Variants in MAPK4 observed in about 807,000 individuals in gnomAD.
The protein encoded by MAPK4 is Erk3-related.
Under a neutral mutation model 47.7 loss-of-function variants are expected in MAPK4, and 22 were observed. The ratio of observed to expected loss-of-function variants is 0.46; its 90% CI spans 0.33 to 0.66. MAPK4 has a LOEUF of 0.66. MAPK4 is among the 30% of genes least tolerant of loss of function. The pLI is 0.02. For synonymous variants in MAPK4, 390 were observed against 365.7 expected (o/e 1.07, Z -0.76); for missense variants, 736 against 831.7 (o/e 0.88, Z 1.42).
intron 5 of MAPK4, among the ~76,000 whole-genome samples, chr18:50,726,905 G>A (rs1911233475): frequency 6.6e-6 from 1 of 151,810 alleles, no homozygotes; most frequent in South Asian, 2.1e-4. Context: ...ATTGCCCATT[G>A]ACACACAAGG....
intron 1 of MAPK4, among the ~76,000 whole-genome samples, chr18:50,634,981 A>G (rs1032079748): frequency 2.0e-5 from 3 of 152,176 alleles, no homozygotes; most frequent in African/African-American, 4.8e-5. Flanking sequence ...AGACCAATCA[A>G]CTGAGACTCT....
chr18:50,611,680 C>T (rs146264574), intron 1 of MAPK4, among the ~76,000 whole-genome samples: 4 of 152,118 alleles, frequency 2.6e-5, no homozygotes, highest in Admixed American at 1.3e-4. Flanking sequence ...AATGACGTAG[C>T]GTTTGATCTT....
intron 2 of MAPK4, among the ~76,000 whole-genome samples, chr18:50,668,004 C>T (rs529429044): frequency 5.7e-4 from 87 of 152,310 alleles, no homozygotes; most frequent in South Asian, 1.7e-3. Context: ...GTTGGGGTTC[C>T]CATGGTCCCC....
At chr18:50,625,258 A>G (rs2042766916) in intron 1 of MAPK4, among the ~76,000 whole-genome samples, 1 of 152,174 alleles carries the variant, frequency 6.6e-6, no homozygotes, top group African/African-American at 2.4e-5. Flanking sequence ...TCAGGGATGG[A>G]TGGCCTCCAT....
upstream of MAPK4, among the ~76,000 whole-genome samples, chr18:50,559,819 C>T (rs898558210): frequency 3.3e-5 from 5 of 151,880 alleles, no homozygotes; most frequent in African/African-American, 1.2e-4. Context: ...GGCCAGGCTA[C>T]CCGGGACGGG....
Position 50,719,663 on chromosome 18 carries a change from G to A in MAPK4, c.692-2275G>A, listed in dbSNP as rs534314956. Among the ~76,000 whole-genome samples, 51 of 152,296 alleles carry A rather than the reference G, an allele frequency of 3.3e-4. 1 individual carries two copies. Among genetic ancestry groups the A allele is most frequent in the Admixed American group, 3.2e-3 (49 of 15,298 alleles). On this transcript the variant is annotated intron_variant, in intron 3 of 5. Coordinates refer to ENST00000400384, the MANE Select transcript of MAPK4 (RefSeq NM_002747.4). ...CCTTGAACCCTCAGCTCACAGGGCT[G>A]TGCTCCAGCTGCCCTTCCAACAGGC...
At chr18:50,723,926 G>C (rs2144481030) in intron 4 of MAPK4, among the ~76,000 whole-genome samples, 1 of 152,204 alleles carries the variant, frequency 6.6e-6, no homozygotes, top group Non-Finnish European at 1.5e-5. Flanking sequence ...AAGTATCTGG[G>C]GACCTGCAGG....
At chr18:50,671,798 G>A (rs1907970270) in intron 2 of MAPK4, among the ~76,000 whole-genome samples, 1 of 151,488 alleles carries the variant, frequency 6.6e-6, no homozygotes. Flanking sequence ...GCTGAGATGG[G>A]AGGATCACTT....
At chr18:50,724,580 C>T (rs1364823254) in intron 4 of MAPK4, among the ~76,000 whole-genome samples, 1 of 152,232 alleles carries the variant, frequency 6.6e-6, no homozygotes, top group Non-Finnish European at 1.5e-5. Flanking sequence ...CAACTCCAGA[C>T]CCAGAAACAC....
intron 1 of MAPK4, among the ~76,000 whole-genome samples, chr18:50,651,727 A>G (rs2043051794): frequency 1.3e-5 from 2 of 152,220 alleles, no homozygotes; most frequent in African/African-American, 4.8e-5. Context: ...AATTCATTGT[A>G]GATTCATTCC....
In MAPK4 at chr18:50,731,385, A is replaced by G. The variant is rs946656933; in HGVS notation, c.*1531A>G. 1 of 152,250 alleles carries G rather than the reference A, an allele frequency of 6.6e-6. No homozygotes were observed. Among genetic ancestry groups the G allele is most frequent in the Non-Finnish European group, 1.5e-5 (1 of 68,072 alleles). 9.4% of individuals were successfully genotyped at this position (152,250 alleles called of 1,614,324 possible). On this transcript the variant is annotated 3_prime_UTR_variant, in exon 6 of 6. Coordinates refer to ENST00000400384, the MANE Select transcript of MAPK4 (RefSeq NM_002747.4). ...TCCCCCAACACTCCCAAAGATACCCACAGGAAGTCCAGCCAGTTTCCAGGT... is the reference window on the plus strand; with the variant it reads ...TCCCCCAACACTCCCAAAGATACCCGCAGGAAGTCCAGCCAGTTTCCAGGT...
chr18:50,572,994 A>G (rs529490587), intron 1 of MAPK4, among the ~76,000 whole-genome samples: 19 of 152,330 alleles, frequency 1.2e-4, no homozygotes, highest in African/African-American at 4.6e-4. Flanking sequence ...CTGTCTATAC[A>G]GGGGACACAC....
intron 1 of MAPK4, among the ~76,000 whole-genome samples, chr18:50,659,520 G>C (rs2144236004): frequency 6.6e-6 from 1 of 152,344 alleles, no homozygotes; most frequent in East Asian, 1.9e-4. Context: ...AGGAATCCCA[G>C]AAAGGGACAG....
chr18:50,566,432 G>T (rs2042198743), intron 1 of MAPK4, among the ~76,000 whole-genome samples: 1 of 152,226 alleles, frequency 6.6e-6, no homozygotes, highest in Non-Finnish European at 1.5e-5. Flanking sequence ...ACAGAGATCA[G>T]CTGGGAGGCT....
rs117209828 is a variant in MAPK4 at position 50,695,828 on chromosome 18, T to A, written c.547-19251T>A. 5.1e-3 allele frequency among the ~76,000 whole-genome samples: 783 copies of A among 152,318 alleles called. 3 individuals carry two copies. Among genetic ancestry groups the A allele is most frequent in the Non-Finnish European group, 8.1e-3 (548 of 68,020 alleles). On this transcript the variant is annotated intron_variant, in intron 2 of 5. Coordinates refer to ENST00000400384, the MANE Select transcript of MAPK4 (RefSeq NM_002747.4). Reference sequence around the variant, plus strand: ...TTGCGAAAGGGAGGGCAGAGTGACATCTATTCAGAGCTGGGAGCTTCTCCT... The same window carrying A: ...TTGCGAAAGGGAGGGCAGAGTGACAACTATTCAGAGCTGGGAGCTTCTCCT...
chr18:50,566,516 T>C (rs2149356204), intron 1 of MAPK4, among the ~76,000 whole-genome samples: 1 of 152,344 alleles, frequency 6.6e-6, no homozygotes, highest in African/African-American at 2.4e-5. Context: ...TCTGTCTTCC[T>C]GGTTGTAGAG....
At chr18:50,651,888 G>C (rs777207502) in intron 1 of MAPK4, among the ~76,000 whole-genome samples, 1 of 152,224 alleles carries the variant, frequency 6.6e-6, no homozygotes. Context: ...CTCTTCCCGT[G>C]TGAAGGCCAC....
chr18:50,573,612 T>C (rs926605497), intron 1 of MAPK4, among the ~76,000 whole-genome samples: 3 of 152,196 alleles, frequency 2.0e-5, no homozygotes, highest in African/African-American at 7.2e-5. Context: ...TTCTACATCA[T>C]GGTGAGTTGT....
intron 1 of MAPK4, among the ~76,000 whole-genome samples, chr18:50,597,021 G>A (rs1334417484): frequency 6.6e-6 from 1 of 152,130 alleles, no homozygotes; most frequent in African/African-American, 2.4e-5. Context: ...TTTGGCATCG[G>A]ATCTTAAGTG....
Sources: allele counts gnomAD v4.1 joint callset (sites outside exome capture counted in the v4.1 genomes callset), GRCh38; gene constraint gnomAD v4.1.1; transcripts MANE v1.5; gene names NCBI Gene and HGNC (gene_info 2026-07-23, HGNC 2026-07-21).